STAU2: variants seen among roughly 807,000 people sequenced by gnomAD.
STAU2 encodes double-stranded RNA-binding protein Staufen homolog 2.
STAU2 carries 20 observed loss-of-function variants against 65.9 expected under a neutral mutation model. That is an observed-to-expected ratio of 0.30 (90% CI 0.21 to 0.44). The LOEUF (loss-of-function observed/expected upper bound fraction) is 0.44, where lower values mean the gene tolerates loss of function less well. STAU2 is among the 20% of genes least tolerant of loss of function. The probability of loss-of-function intolerance (pLI) is 1.00; values close to 1 mark genes in which losing one functional copy is unlikely to be tolerated. For missense variants in STAU2, 558 were observed against 683.9 expected (o/e 0.82, Z 2.05); for synonymous variants, 232 against 233.9 (o/e 0.99, Z 0.07).
At chr8:73,643,836 G>T (rs1815168300) in intron 6 of STAU2, among the ~76,000 whole-genome samples, 1 of 152,134 alleles carries the variant, frequency 6.6e-6, no homozygotes, top group Non-Finnish European at 1.5e-5. Context: ...TTAAATAGTT[G>T]TACACTTAGT....
intron 3 of STAU2, among the ~76,000 whole-genome samples, chr8:73,709,380 A>G (rs1168250981): frequency 2.0e-5 from 3 of 152,088 alleles, no homozygotes; most frequent in Non-Finnish European, 1.5e-5. Flanking sequence ...TAAGTACCTA[A>G]GTTGTTCTAT....
chr8:73,604,234 T>C (rs1448633706), intron 9 of STAU2, among the ~76,000 whole-genome samples: 1 of 152,154 alleles, frequency 6.6e-6, no homozygotes, highest in African/African-American at 2.4e-5. Context: ...TATTTTATTT[T>C]ATTTATTTTT....
rs548191698 is a variant in STAU2 at position 73,563,738 on chromosome 8, T to TC, written c.1223-11420dup. Among the ~76,000 whole-genome samples the TC allele has an allele frequency of 1.7e-3, 257 of 152,252 alleles. 1 individual carries two copies. The highest frequency in any genetic ancestry group is 2.5e-3 in the Admixed American group (38 of 15,286). ...TATGTTGCCCAGGCTGGTCTTAAGC[T>TC]CCTGGCCTCCCACTTCAACCTCCCA... On this transcript the variant is annotated intron_variant, in intron 12 of 14. Transcript: ENST00000524300.
At chr8:73,705,320 G>T (rs1312030928) in intron 4 of STAU2, among the ~76,000 whole-genome samples, 2 of 152,132 alleles carry the variant, frequency 1.3e-5, no homozygotes, top group African/African-American at 4.8e-5. Context: ...CTCTAGCGAA[G>T]ATTTTTTTTT....
intron 13 of STAU2, among the ~76,000 whole-genome samples, chr8:73,436,911 G>A (rs929936204): frequency 6.6e-6 from 1 of 152,116 alleles, no homozygotes; most frequent in Non-Finnish European, 1.5e-5. Flanking sequence ...TGTTTCAGGT[G>A]TCTCACTCCA....
At chr8:73,626,982 G>A (rs1813691219) in intron 6 of STAU2, among the ~76,000 whole-genome samples, 1 of 151,998 alleles carries the variant, frequency 6.6e-6, no homozygotes, top group Non-Finnish European at 1.5e-5. Flanking sequence ...TGTGGCAGAA[G>A]CAGTAAGATG....
intron 4 of STAU2, among the ~76,000 whole-genome samples, chr8:73,697,668 G>A (rs1819777791): frequency 6.6e-6 from 1 of 152,156 alleles, no homozygotes; most frequent in African/African-American, 2.4e-5. Flanking sequence ...ACAACAAAAA[G>A]TTAAAAAGCT....
chr8:73,694,920 T>C (rs892798302), intron 4 of STAU2, among the ~76,000 whole-genome samples: 1 of 152,218 alleles, frequency 6.6e-6, no homozygotes, highest in Non-Finnish European at 1.5e-5. Flanking sequence ...GGACCAGCAC[T>C]AGCTGGAGGG....
chr8:73,512,383 A>G (rs1009870214), intron 13 of STAU2, among the ~76,000 whole-genome samples: 10 of 152,220 alleles, frequency 6.6e-5, no homozygotes, highest in African/African-American at 2.4e-4. Context: ...ATCCATGAAC[A>G]TTGAATACCT....
At chr8:73,476,092 A>T (rs745578024) in intron 13 of STAU2, among the ~76,000 whole-genome samples, 2 of 152,074 alleles carry the variant, frequency 1.3e-5, no homozygotes, top group Non-Finnish European at 2.9e-5. Context: ...AAAATGGAAT[A>T]CTCTTATATT....
chr8:73,613,747 T>C lies in STAU2; in HGVS notation c.888A>G (p.Val296=), dbSNP rs778020498. 2.5e-6 allele frequency: 4 copies of C among 1,605,592 alleles called. No homozygotes were observed. Among genetic ancestry groups the C allele is most frequent in the East Asian group, 2.2e-5 (1 of 44,842 alleles). Reference sequence around the variant, plus strand: ...ATGTTCACAAATATAAACTTACCTTTACTATTGTTTTAGGGCGTTTTTTAA... The same window carrying C: ...ATGTTCACAAATATAAACTTACCTTCACTATTGTTTTAGGGCGTTTTTTAA... ...LFFKKRPKTI[V]KAGPEYGQGM... Residue 296 remains valine (V), a synonymous_variant, in exon 9 of 15, where the codon GTA becomes GTG. Coordinates refer to ENST00000524300, the MANE Select transcript of STAU2 (RefSeq NM_001164380.2).
chr8:73,566,619 G>A (rs1283691336), intron 12 of STAU2, among the ~76,000 whole-genome samples: 1 of 152,062 alleles, frequency 6.6e-6, no homozygotes, highest in Non-Finnish European at 1.5e-5. Context: ...GTGCTGTCTA[G>A]TGGCAACTGC....
intron 13 of STAU2, among the ~76,000 whole-genome samples, chr8:73,486,013 GTA>G: frequency 6.6e-6 from 1 of 152,266 alleles, no homozygotes; most frequent in East Asian, 1.9e-4. Context: ...GAAGTTCAGG[GTA>G]TACTCTTCAG....
intron 10 of STAU2, among the ~76,000 whole-genome samples, chr8:73,601,696 C>A (rs1008553202): frequency 1.3e-5 from 2 of 152,114 alleles, no homozygotes; most frequent in African/African-American, 4.8e-5. Flanking sequence ...TTTAAAAGCA[C>A]AGCCAAATGT....
At chr8:73,451,016 T>C (rs1298676520) in intron 13 of STAU2, among the ~76,000 whole-genome samples, 1 of 152,124 alleles carries the variant, frequency 6.6e-6, no homozygotes, top group Non-Finnish European at 1.5e-5. Context: ...GAGGAATCCA[T>C]CCTCACAAAC....
At chr8:73,459,905 T>C (rs773847957) in intron 13 of STAU2, among the ~76,000 whole-genome samples, 1 of 152,156 alleles carries the variant, frequency 6.6e-6, no homozygotes, top group Non-Finnish European at 1.5e-5. Context: ...ACGGCTCCTT[T>C]GACTCTTGGG....
At chr8:73,655,557 TAA>T (rs1342506554) in intron 6 of STAU2, among the ~76,000 whole-genome samples, 1 of 151,748 alleles carries the variant, frequency 6.6e-6, no homozygotes, top group Non-Finnish European at 1.5e-5. Flanking sequence ...TACTTCCATG[TAA>T]GTTAGAAAAT....
intron 6 of STAU2, among the ~76,000 whole-genome samples, chr8:73,630,243 G>T (rs1317478072): frequency 1.3e-5 from 2 of 152,192 alleles, no homozygotes; most frequent in African/African-American, 4.8e-5. Flanking sequence ...GATACGCAAG[G>T]TATGCTTTTA....
intron 11 of STAU2, among the ~76,000 whole-genome samples, chr8:73,589,240 G>C (rs1810597581): frequency 6.6e-6 from 1 of 152,204 alleles, no homozygotes. Context: ...GTCTGAGAGA[G>C]AGACATATGC....
Sources: allele counts gnomAD v4.1 joint callset (sites outside exome capture counted in the v4.1 genomes callset), GRCh38; gene constraint gnomAD v4.1.1; transcripts MANE v1.5; gene names NCBI Gene and HGNC (gene_info 2026-07-23, HGNC 2026-07-21).